The following SND1 variants were observed in gnomAD, a reference collection of about 807,000 sequenced individuals.
SND1 encodes the protein staphylococcal nuclease domain-containing protein 1.
In SND1, 38 loss-of-function variants were observed where a neutral mutation model predicts 121.7. The observed-to-expected ratio is 0.31, with a 90% confidence interval of 0.24 to 0.41. SND1 has a LOEUF of 0.41. SND1 is among the 10% of genes least tolerant of loss of function. The pLI is 1.00. For synonymous variants in SND1, 401 were observed against 447.4 expected (o/e 0.90, Z 1.31); for missense variants, 868 against 1,184.6 (o/e 0.73, Z 3.92).
chr7:127,820,415 G>A (rs541721983), intron 11 of SND1, among the ~76,000 whole-genome samples: 58 of 152,188 alleles, frequency 3.8e-4, no homozygotes, highest in Non-Finnish European at 5.9e-4. Flanking sequence ...AAGCAAAGCA[G>A]CATGTAGTTT....
intron 11 of SND1, among the ~76,000 whole-genome samples, chr7:127,820,396 G>A (rs753010528): frequency 6.6e-6 from 1 of 152,120 alleles, no homozygotes; most frequent in Non-Finnish European, 1.5e-5. Context: ...CTTGCTGTCG[G>A]CAGTTTGGAA....
chr7:127,819,620 A>C (rs1301746746), intron 11 of SND1, among the ~76,000 whole-genome samples: 1 of 152,150 alleles, frequency 6.6e-6, no homozygotes, highest in East Asian at 1.9e-4. Context: ...CCTGAAGTGC[A>C]TCTAGTCTTT....
chr7:127,857,412 C>T (rs1343833144), intron 12 of SND1, among the ~76,000 whole-genome samples: 2 of 148,926 alleles, frequency 1.3e-5, no homozygotes, highest in Admixed American at 6.7e-5. Flanking sequence ...ACCATGTTGG[C>T]CAGGATGGTC....
intron 10 of SND1, among the ~76,000 whole-genome samples, chr7:127,731,070 G>C (rs1462838375): frequency 1.3e-5 from 2 of 152,244 alleles, no homozygotes; most frequent in Non-Finnish European, 2.9e-5. Context: ...GAAGCGGTAG[G>C]TGGAGGTCTG....
chr7:127,744,404 A>G (rs556595631), intron 10 of SND1, among the ~76,000 whole-genome samples: 1 of 152,188 alleles, frequency 6.6e-6, no homozygotes, highest in Non-Finnish European at 1.5e-5. Context: ...TGAAACATTT[A>G]CTCGCTAGGT....
intron 15 of SND1, among the ~76,000 whole-genome samples, chr7:127,931,926 T>C (rs982691688): frequency 6.6e-6 from 1 of 152,234 alleles, no homozygotes; most frequent in African/African-American, 2.4e-5. Flanking sequence ...AAAATATTAC[T>C]GCTCATTCAC....
chr7:127,962,605 A>G (rs1236278607), intron 15 of SND1, among the ~76,000 whole-genome samples: 3 of 152,184 alleles, frequency 2.0e-5, no homozygotes, highest in African/African-American at 7.2e-5. Flanking sequence ...TCTGGCTAGC[A>G]TATAAATCTG....
intron 15 of SND1, among the ~76,000 whole-genome samples, chr7:127,933,696 GAGTT>G (rs577673988): frequency 5.1e-4 from 77 of 152,324 alleles, no homozygotes; most frequent in Non-Finnish European, 8.8e-4. Context: ...CCCTTGCAAA[GAGTT>G]AGTGTTTTTA....
At chr7:128,086,782 G>C (rs1793694411) in intron 20 of SND1, 156 bp from the exon 21 acceptor site, 1 of 678,630 alleles carries the variant, frequency 1.5e-6, no homozygotes, top group Non-Finnish European at 2.7e-6. Flanking sequence ...TCACCCACTG[G>C]GGAGCCTTTG....
At chr7:127,772,734 C>G (rs1797537586) in intron 10 of SND1, among the ~76,000 whole-genome samples, 1 of 151,738 alleles carries the variant, frequency 6.6e-6, no homozygotes, top group Admixed American at 6.6e-5. Context: ...GTATTCTAAA[C>G]AAACATTTCC....
intron 11 of SND1, 80 bp from the exon 12 acceptor site, chr7:127,844,244 C>A: frequency 9.6e-7 from 1 of 1,042,904 alleles, no homozygotes. Flanking sequence ...TGATCTTTCA[C>A]AGTTGAGCAG....
chr7:128,074,810 G>C, intron 17 of SND1, 120 bp downstream of exon 17: 3 of 1,013,824 alleles, frequency 3.0e-6, no homozygotes, highest in Middle Eastern at 5.0e-4. Context: ...CCAGGAAGGT[G>C]TTGGTCTCAG....
chr7:127,775,598 C>T (rs1563009044), intron 10 of SND1, among the ~76,000 whole-genome samples: 1 of 152,048 alleles, frequency 6.6e-6, no homozygotes, highest in Non-Finnish European at 1.5e-5. Flanking sequence ...TGGGAGCACC[C>T]TGGTTCCCCC....
intron 10 of SND1, among the ~76,000 whole-genome samples, chr7:127,801,274 C>A (rs930764839): frequency 6.6e-6 from 1 of 152,130 alleles, no homozygotes; most frequent in Non-Finnish European, 1.5e-5. Context: ...AAATATTTGC[C>A]AATATGTTGG....
chr7:127,735,868 C>G (rs1587629287), intron 10 of SND1, among the ~76,000 whole-genome samples: 1 of 152,182 alleles, frequency 6.6e-6, no homozygotes, highest in East Asian at 1.9e-4. Flanking sequence ...CTCAGGTGAT[C>G]CCCCGCCCGC....
chr7:127,861,473 GTTTTTGT>G (rs1208347630), intron 12 of SND1, among the ~76,000 whole-genome samples: 4 of 151,914 alleles, frequency 2.6e-5, no homozygotes, highest in African/African-American at 7.2e-5. Flanking sequence ...CATTTGTTTC[GTTTTTGT>G]TTTTTGTTTT....
At chr7:127,803,106 G>T (rs571950313) in intron 10 of SND1, among the ~76,000 whole-genome samples, 1 of 152,326 alleles carries the variant, frequency 6.6e-6, no homozygotes, top group African/African-American at 2.4e-5. Flanking sequence ...TCAGCTCTGT[G>T]TCTTCATCTC....
At chr7:127,712,794 G>A (rs1796320120) in intron 9 of SND1, among the ~76,000 whole-genome samples, 1 of 152,176 alleles carries the variant, frequency 6.6e-6, no homozygotes. Context: ...ATCTAGAGGT[G>A]TTTAGAGAGG....
chr7:127,652,284 C>G lies in SND1; in HGVS notation c.-90C>G, dbSNP rs550491208. 1 of 1,108,130 alleles carries G rather than the reference C, an allele frequency of 9.0e-7. No individual in the cohort carries two copies. Among genetic ancestry groups the G allele is most frequent in the Admixed American group, 2.0e-5 (1 of 50,330 alleles). 68.6% of individuals were successfully genotyped at this position (1,108,130 alleles called of 1,614,324 possible). Reference sequence around the variant, plus strand: ...CGCAGCTGGTAGCCAGCCTGCCCCTCGCCTCGACTCCCTTTCACCAACACC... The same window carrying G: ...CGCAGCTGGTAGCCAGCCTGCCCCTGGCCTCGACTCCCTTTCACCAACACC... On this transcript the variant is annotated 5_prime_UTR_variant, in exon 1 of 24. Coordinates refer to ENST00000354725, the MANE Select transcript of SND1 (RefSeq NM_014390.4).
Sources: gnomAD v4.1 joint callset for allele counts (sites outside exome capture counted in the v4.1 genomes callset) on GRCh38, gnomAD v4.1.1 for gene constraint, MANE v1.5 for transcripts, NCBI Gene and HGNC (gene_info 2026-07-23, HGNC 2026-07-21) for gene names.